Variants in C16orf89 observed in about 807,000 individuals in gnomAD.
C16orf89 encodes UPF0764 protein C16orf89.
Under a neutral mutation model 41.5 loss-of-function variants are expected in C16orf89, and 57 were observed. The ratio of observed to expected loss-of-function variants is 1.38; its 90% CI spans 1.11 to 1.71. The LOEUF is 1.71. Ranked by LOEUF, C16orf89 falls within the 40% of genes most tolerant of loss-of-function variation. C16orf89 has a pLI of 0.00. For missense variants in C16orf89, 575 were observed against 445.9 expected (o/e 1.29, Z -2.61); for synonymous variants, 223 against 190.6 (o/e 1.17, Z -1.40).
At chr16:5,062,816 A>T (rs1252933145) in intron 1 of C16orf89, among the ~76,000 whole-genome samples, 2 of 152,080 alleles carry the variant, frequency 1.3e-5, no homozygotes, top group Non-Finnish European at 2.9e-5. Context: ...TGGTTTCTGG[A>T]GGCGGGCCTG....
chr16:5,058,331 C>T (rs1357351349), intron 4 of C16orf89, among the ~76,000 whole-genome samples, 162 bp downstream of exon 4: 5 of 152,034 alleles, frequency 3.3e-5, no homozygotes, highest in Non-Finnish European at 2.9e-5. Context: ...ATGGGTTTCA[C>T]CATGTTGGCC....
At chr16:5,049,439 G>C (rs1338616856) in intron 6 of C16orf89, among the ~76,000 whole-genome samples, 3 of 152,166 alleles carry the variant, frequency 2.0e-5, no homozygotes, top group African/African-American at 7.2e-5. Flanking sequence ...CTCCAAAATA[G>C]ACCATATGTT....
chr16:5,056,474 T>C (rs558077647), intron 4 of C16orf89, among the ~76,000 whole-genome samples: 1 of 152,282 alleles, frequency 6.6e-6, no homozygotes, highest in South Asian at 2.1e-4. Context: ...GCGAGGCCTC[T>C]AGAAACGGCA....
In C16orf89 at chr16:5,044,351, G is replaced by C. The variant is rs1956254202; in HGVS notation, c.1083C>G (p.Arg361=). The part of the protein sequence containing the change: ...HPSTPPPPSS[R] The stretch of plus-strand genomic sequence containing the variant: ...AGCTGGCATGGAACCGTCCGTCTCA[G>C]CGGCTGCTTGGTGGTGGCGGTGTGG... Residue 361 remains arginine (R), a synonymous_variant, in exon 8 of 8, where the codon CGC becomes CGG. Coordinates refer to ENST00000472572, the MANE Select transcript of C16orf89 (RefSeq NM_001098514.3). 1.3e-5 allele frequency: 21 copies of C among 1,603,312 alleles called. No individual in the cohort carries two copies. Among genetic ancestry groups the C allele is most frequent in the Non-Finnish European group, 1.8e-5 (21 of 1,175,642 alleles).
chr16:5,052,351 G>T (rs1956413620), intron 6 of C16orf89, among the ~76,000 whole-genome samples: 1 of 152,144 alleles, frequency 6.6e-6, no homozygotes, highest in Non-Finnish European at 1.5e-5. Context: ...CACTTTAGGA[G>T]GCCGTGGCTG....
At chr16:5,060,113 G>T (rs1487108404) in intron 3 of C16orf89, 173 bp downstream of exon 3, 1 of 737,408 alleles carries the variant, frequency 1.4e-6, no homozygotes, top group Non-Finnish European at 2.0e-6. Context: ...TGGAGCAAGG[G>T]GGACCCTGCT....
chr16:5,047,953 C>T lies in C16orf89; in HGVS notation c.880G>A (p.Glu294Lys). 1.3e-6 allele frequency: 2 copies of T among 1,572,468 alleles called. No homozygotes were observed. Among genetic ancestry groups the T allele is most frequent in the Non-Finnish European group, 1.7e-6 (2 of 1,143,650 alleles). Residue 294 changes from glutamate to lysine, a missense_variant, in exon 7 of 8, where the codon GAA (glutamate) becomes AAA (lysine). By Grantham distance (56) the Glu-to-Lys change is moderately conservative. Coordinates refer to ENST00000472572, the MANE Select transcript of C16orf89 (RefSeq NM_001098514.3). ...GCFGEPDAED[E>K]ELSKAIQYQQ... ...TATTGAATAGCTTTAGATAATTCTT[C>T]ATCTTCAGCATCTGGGAGAAGAGCA...
chr16:5,051,744 G>C (rs576183315), intron 6 of C16orf89, among the ~76,000 whole-genome samples: 45 of 152,216 alleles, frequency 3.0e-4, no homozygotes, highest in African/African-American at 1.1e-3. Flanking sequence ...CAATCCTAAG[G>C]AAAAAGAACA....
chr16:5,048,008 T>C (rs772023934), intron 6 of C16orf89, 44 bp from the exon 7 acceptor site: 2 of 1,029,862 alleles, frequency 1.9e-6, no homozygotes, highest in Non-Finnish European at 3.0e-6. Flanking sequence ...GAGATTTTTA[T>C]TTTTTACATT....
chr16:5,052,099 C>CAAAAAAAAAAAAAA (rs35641084), intron 6 of C16orf89, among the ~76,000 whole-genome samples: 1 of 78,732 alleles, frequency 1.3e-5, no homozygotes, highest in Non-Finnish European at 2.4e-5. Context: ...GAGACTGTCT[C>CAAAAAAAAAAAAAA]AAAAAAAAAA....
chr16:5,059,263 T>G (rs1013380163), intron 3 of C16orf89, among the ~76,000 whole-genome samples: 1 of 144,476 alleles, frequency 6.9e-6, no homozygotes, highest in African/African-American at 2.6e-5. Flanking sequence ...AATAAATAAA[T>G]AAAAATAAAA....
intron 4 of C16orf89, among the ~76,000 whole-genome samples, chr16:5,056,605 C>T (rs896499616): frequency 6.6e-6 from 1 of 152,002 alleles, no homozygotes; most frequent in African/African-American, 2.4e-5. Context: ...AGCCTGAACC[C>T]GCGGGCAGCT....
intron 7 of C16orf89, among the ~76,000 whole-genome samples, chr16:5,046,199 G>C (rs1436527733): frequency 6.6e-6 from 1 of 152,192 alleles, no homozygotes; most frequent in Non-Finnish European, 1.5e-5. Context: ...CCTGTAGGTG[G>C]ATGATGAGGC....
intron 2 of C16orf89, 117 bp downstream of exon 2, chr16:5,062,308 T>C (rs979002270): frequency 4.7e-6 from 6 of 1,277,992 alleles, no homozygotes; most frequent in Non-Finnish European, 6.2e-6. Flanking sequence ...CAGGTCCAAG[T>C]TGGTTACGGA....
chr16:5,048,051 CAG>C (rs1956331551), intron 6 of C16orf89, 87 bp from the exon 7 acceptor site: 1 of 765,660 alleles, frequency 1.3e-6, no homozygotes, highest in Non-Finnish European at 2.2e-6. Flanking sequence ...ATTGTAGAGA[CAG>C]GGTCTCATTC....
chr16:5,052,099 C>CAAAAAAAA (rs35641084), intron 6 of C16orf89, among the ~76,000 whole-genome samples: 1 of 78,732 alleles, frequency 1.3e-5, no homozygotes, highest in Non-Finnish European at 2.4e-5. Flanking sequence ...GAGACTGTCT[C>CAAAAAAAA]AAAAAAAAAA....
At chr16:5,065,589 G>C in intron 1 of C16orf89, 112 bp downstream of exon 1, 4 of 1,263,084 alleles carry the variant, frequency 3.2e-6, no homozygotes. Context: ...AGCCGAGGCA[G>C]GCTATACTGG....
intron 5 of C16orf89, chr16:5,055,649 C>T (rs976786762): frequency 6.6e-7 from 1 of 1,512,534 alleles, no homozygotes. Flanking sequence ...CCCTGTCTGC[C>T]TCATCCATAA....
At chr16:5,064,141 A>T (rs1956687855) in intron 1 of C16orf89, among the ~76,000 whole-genome samples, 1 of 151,634 alleles carries the variant, frequency 6.6e-6, no homozygotes, top group African/African-American at 2.4e-5. Flanking sequence ...ATAATAATAT[A>T]ATAATAATAA....
Sources: gnomAD v4.1 joint callset for allele counts (sites outside exome capture counted in the v4.1 genomes callset) on GRCh38, gnomAD v4.1.1 for gene constraint, MANE v1.5 for transcripts, NCBI Gene and HGNC (gene_info 2026-07-23, HGNC 2026-07-21) for gene names.